Variants in ATP6V0A4 observed in about 807,000 individuals in gnomAD.
ATP6V0A4 encodes the protein ATPase H+ transporting V0 subunit a4, also known as V-type proton ATPase 116 kDa subunit a 4.
Under a neutral mutation model 107.3 loss-of-function variants are expected in ATP6V0A4, and 86 were observed. The ratio of observed to expected loss-of-function variants is 0.80; its 90% CI spans 0.67 to 0.96. The LOEUF (loss-of-function observed/expected upper bound fraction) is 0.96, where lower values mean the gene tolerates loss of function less well. Among genes scored for constraint, ATP6V0A4 ranks in the 40% least tolerant of loss-of-function variants. The pLI, the probability that ATP6V0A4 is intolerant of heterozygous loss-of-function variation, is 0.00. For missense variants in ATP6V0A4, 908 were observed against 1,045.6 expected (o/e 0.87, Z 1.81); for synonymous variants, 353 against 381.4 (o/e 0.93, Z 0.87).
chr7:138,752,265 G>A (rs1246751904), intron 11 of ATP6V0A4, among the ~76,000 whole-genome samples: 2 of 152,088 alleles, frequency 1.3e-5, no homozygotes, highest in Non-Finnish European at 2.9e-5. Flanking sequence ...AGCTACTCGG[G>A]AGGCTGAGGC....
intron 8 of ATP6V0A4, 153 bp from the exon 9 acceptor site, chr7:138,756,693 G>T: frequency 1.6e-6 from 1 of 629,264 alleles, no homozygotes; most frequent in Non-Finnish European, 2.0e-6. Context: ...TAAGTTCATA[G>T]CTCACAGTTG....
chr7:138,714,994 G>A (rs1803956604), intron 20 of ATP6V0A4, among the ~76,000 whole-genome samples: 1 of 152,176 alleles, frequency 6.6e-6, no homozygotes, highest in Middle Eastern at 3.2e-3. Flanking sequence ...CACAGTCAGA[G>A]AAAAAGGAGA....
chr7:138,738,121 A>G (rs1387675405), intron 15 of ATP6V0A4, among the ~76,000 whole-genome samples: 3 of 152,146 alleles, frequency 2.0e-5, no homozygotes, highest in African/African-American at 7.2e-5. Context: ...AATCATATAT[A>G]TGTATTATTT....
intron 19 of ATP6V0A4, among the ~76,000 whole-genome samples, chr7:138,716,422 T>C (rs6943456): frequency 0.18 from 26,372 of 150,270 alleles, 2,894 homozygotes; most frequent in African/African-American, 0.32. Context: ...GGTAGCATCA[T>C]AGTTTAGAGA....
In ATP6V0A4 at chr7:138,747,452, G is replaced by A; in HGVS notation, c.1293C>T (p.Arg431=). 6.2e-7 allele frequency: 1 copy of A among 1,614,188 alleles called. No homozygotes were observed. The highest frequency in any genetic ancestry group is 8.5e-7 in the Non-Finnish European group (1 of 1,180,038). The change falls in exon 13 of 22, where the codon CGC becomes CGT. Residue 431 remains arginine, a synonymous_variant. Transcript: ENST00000310018. The stretch of plus-strand genomic sequence containing the variant: ...CATTGTCTGTCTTCTGGGAGAGCAA[G>A]CGTCTCTCATTCAGAATCATCCAAA... The part of the protein sequence containing the change: ...AALWMILNER[R]LLSQKTDNEI...
intron 18 of ATP6V0A4, 68 bp downstream of exon 18, chr7:138,728,693 A>G: frequency 5.6e-6 from 9 of 1,604,884 alleles, no homozygotes; most frequent in Non-Finnish European, 6.8e-6. Context: ...CTCTAAACCC[A>G]AGATTCATCT....
At chr7:138,769,465 C>A (rs970171223) in intron 3 of ATP6V0A4, 1 of 354,406 alleles carries the variant, frequency 2.8e-6, no homozygotes, top group African/African-American at 2.2e-5. Context: ...CAGGCACCCA[C>A]CACCACGCCT....
intron 7 of ATP6V0A4, among the ~76,000 whole-genome samples, chr7:138,761,416 C>T (rs549036600): frequency 7.2e-5 from 11 of 152,038 alleles, no homozygotes; most frequent in African/African-American, 2.4e-4. Flanking sequence ...AGGCGGATCA[C>T]GAGGTCAGGA....
At chr7:138,735,238 G>A (rs1805255609) in intron 15 of ATP6V0A4, among the ~76,000 whole-genome samples, 2 of 152,140 alleles carry the variant, frequency 1.3e-5, no homozygotes, top group South Asian at 4.1e-4. Flanking sequence ...AATCTCGGCA[G>A]CCCCATGGTC....
intron 1 of ATP6V0A4, among the ~76,000 whole-genome samples, chr7:138,791,627 G>A (rs1232465034): frequency 6.6e-6 from 1 of 152,218 alleles, no homozygotes; most frequent in African/African-American, 2.4e-5. Flanking sequence ...GAGGTGGACA[G>A]TTCTCAACAG....
chr7:138,784,238 ATATAT>A (rs1808054935), intron 2 of ATP6V0A4, among the ~76,000 whole-genome samples: 2 of 49,002 alleles, frequency 4.1e-5, no homozygotes. Flanking sequence ...ATATATACGT[ATATAT>A]ATATATATAC....
Position 138,752,756 on chromosome 7 carries a change from G to A in ATP6V0A4, c.898C>T (p.Gln300Ter), listed in dbSNP as rs1385550296. 1 of 1,614,208 alleles carries A rather than the reference G, an allele frequency of 6.2e-7. No homozygotes were observed. The highest frequency in any genetic ancestry group is 1.1e-5 in the South Asian group (1 of 91,084). The change falls in exon 11 of 22, where the codon CAG becomes TAG. Residue 300 changes from glutamine to a stop codon, truncating the protein, a stop_gained. Coordinates refer to ENST00000310018, the MANE Select transcript of ATP6V0A4 (RefSeq NM_020632.3). LOFTEE classifies it high-confidence loss of function. ...ATGTGGTAGACAGCTTTCATCTTCT[G>A]CACCTTGATGAGCCAGGAGTGCCAG... is the stretch of plus-strand genomic sequence containing the variant. ...ANWHSWLIKV[Q>*]KMKAVYHILN...
chr7:138,793,667 G>A (rs558396664), intron 1 of ATP6V0A4, among the ~76,000 whole-genome samples: 9 of 152,196 alleles, frequency 5.9e-5, no homozygotes, highest in East Asian at 1.9e-4. Flanking sequence ...AAGTATATTC[G>A]CAGGTCACAG....
chr7:138,759,223 T>C (rs6956070), intron 8 of ATP6V0A4, among the ~76,000 whole-genome samples: 35,939 of 151,288 alleles, frequency 0.24, 4,846 homozygotes, highest in African/African-American at 0.36. Context: ...CCACACTTGG[T>C]TAACTTTTTT....
intron 18 of ATP6V0A4, among the ~76,000 whole-genome samples, chr7:138,728,257 G>C (rs976976041): frequency 6.6e-6 from 1 of 151,636 alleles, no homozygotes; most frequent in African/African-American, 2.4e-5. Context: ...ACGGTTTTTC[G>C]CCCTTTCGCC....
chr7:138,727,154 G>T (rs1456477068), intron 18 of ATP6V0A4, among the ~76,000 whole-genome samples: 1 of 151,250 alleles, frequency 6.6e-6, no homozygotes, highest in Non-Finnish European at 1.5e-5. Context: ...GCCAGGCAGG[G>T]GGGCATGCCT....
At chr7:138,722,422 C>T (rs1018715262) in intron 18 of ATP6V0A4, among the ~76,000 whole-genome samples, 4 of 151,960 alleles carry the variant, frequency 2.6e-5, no homozygotes, top group South Asian at 2.1e-4. Flanking sequence ...CCCAGCATTT[C>T]GGGAGGCGGA....
intron 1 of ATP6V0A4, among the ~76,000 whole-genome samples, chr7:138,795,552 A>T (rs910793074): frequency 6.6e-6 from 1 of 152,206 alleles, no homozygotes; most frequent in Admixed American, 6.5e-5. Flanking sequence ...GTCCCACATT[A>T]AATCGTTTCC....
intron 1 of ATP6V0A4, among the ~76,000 whole-genome samples, chr7:138,794,196 G>A (rs1012370207): frequency 6.6e-6 from 1 of 152,128 alleles, no homozygotes; most frequent in African/African-American, 2.4e-5. Context: ...AGAGCCAGGA[G>A]CAAGAAGAGC....
Sources: allele counts gnomAD v4.1 joint callset (sites outside exome capture counted in the v4.1 genomes callset), GRCh38; gene constraint gnomAD v4.1.1; transcripts MANE v1.5; gene names NCBI Gene and HGNC (gene_info 2026-07-23, HGNC 2026-07-21).